COPB1: variants seen among roughly 807,000 people sequenced by gnomAD.
The protein encoded by COPB1 is coat protein complex I subunit beta 1, also known as coatomer subunit beta.
In COPB1, 21 loss-of-function variants were observed where a neutral mutation model predicts 108.7. That is an observed-to-expected ratio of 0.19 (90% CI 0.14 to 0.28). The LOEUF (loss-of-function observed/expected upper bound fraction) is 0.28. COPB1 is among the 10% of genes least tolerant of loss of function. The pLI, the probability that COPB1 is intolerant of heterozygous loss-of-function variation, is 1.00. For missense variants in COPB1, 919 were observed against 1,141.3 expected, an observed-to-expected ratio of 0.81 and a Z score of 2.81; for synonymous variants, 378 against 386.8, an observed-to-expected ratio of 0.98 and a Z score of 0.27.
intron 7 of COPB1, among the ~76,000 whole-genome samples, chr11:14,484,492 G>A (rs1407632723): frequency 2.6e-5 from 4 of 152,186 alleles, no homozygotes; most frequent in African/African-American, 9.7e-5. Flanking sequence ...GGTCGAGGCG[G>A]GTGGATCACA....
At chr11:14,498,805 TC>T in intron 2 of COPB1, 32 bp downstream of exon 2, 1 of 1,510,600 alleles carries the variant, frequency 6.6e-7, no homozygotes, top group East Asian at 2.3e-5. Flanking sequence ...TTTTCTTTTT[TC>T]ATTTCATTCT....
chr11:14,460,049 A>G, intron 20 of COPB1, 159 bp downstream of exon 20: 1 of 551,994 alleles, frequency 1.8e-6, no homozygotes, highest in Non-Finnish European at 3.2e-6. Flanking sequence ...CAATAGAAAG[A>G]GGTAAGCAGA....
chr11:14,483,112 T>C lies in COPB1; in HGVS notation c.877A>G (p.Ser293Gly), dbSNP rs542454924. ...QCYIDLIIKE[S>G]DNNVKLIVLD... ...ACTATGAGTTTTACATTGTTGTCGC[T>C]CTCCTTAATAATTAAATCAATGTAA... The change falls in exon 8 of 22, where the codon AGC (serine) becomes GGC (glycine). Residue 293 changes from serine to glycine, a missense_variant. Coordinates refer to ENST00000439561, the MANE Select transcript of COPB1 (RefSeq NM_001144061.2). The C allele has an allele frequency of 1.1e-4, 174 of 1,590,346 alleles. 1 individual carries two copies. Among genetic ancestry groups the C allele is most frequent in the Admixed American group, 6.5e-4 (39 of 59,626 alleles).
In COPB1 at chr11:14,498,934, C is replaced by T. The variant is rs1851088024; in HGVS notation, c.-6G>A. 6 of 1,602,842 alleles carry T rather than the reference C, an allele frequency of 3.7e-6. No homozygotes were observed. The highest frequency in any genetic ancestry group is 3.4e-5 in the Admixed American group (2 of 58,070). ...ACGTTCTCAGCCGCCGTCATGGTTT[C>T]TGGTTATATTATAACCAATCCTTGA... On this transcript the variant is annotated 5_prime_UTR_variant, in exon 2 of 22. Coordinates refer to ENST00000439561, the MANE Select transcript of COPB1 (RefSeq NM_001144061.2).
chr11:14,472,698 A>C (rs1850435319), intron 14 of COPB1, among the ~76,000 whole-genome samples: 1 of 152,216 alleles, frequency 6.6e-6, no homozygotes, highest in African/African-American at 2.4e-5. Context: ...CTTCCAGATA[A>C]CTTGCCACAG....
intron 5 of COPB1, among the ~76,000 whole-genome samples, chr11:14,489,110 A>C (rs1290648043): frequency 1.3e-5 from 2 of 152,248 alleles, no homozygotes; most frequent in East Asian, 1.9e-4. Flanking sequence ...AAGAGGACAA[A>C]ACACTGCTCA....
chr11:14,460,483 A>G (rs1163320142), intron 19 of COPB1, among the ~76,000 whole-genome samples, 186 bp from the exon 20 acceptor site: 6 of 152,102 alleles, frequency 3.9e-5, no homozygotes, highest in South Asian at 2.1e-4. Context: ...CCCAATAGAG[A>G]TAACTTCACA....
intron 6 of COPB1, among the ~76,000 whole-genome samples, chr11:14,487,557 C>A (rs1433862549): frequency 6.6e-6 from 1 of 151,996 alleles, no homozygotes; most frequent in Non-Finnish European, 1.5e-5. Context: ...CACCTGTAAT[C>A]CCAGCTACTC....
intron 4 of COPB1, 105 bp from the exon 5 acceptor site, chr11:14,490,784 T>C (rs1398309381): frequency 1.3e-5 from 8 of 623,118 alleles, no homozygotes; most frequent in East Asian, 3.1e-5. Context: ...CTTTACAACA[T>C]ACTTTTGCTT....
chr11:14,494,637 C>T (rs1359379231), intron 2 of COPB1, 198 bp from the exon 3 acceptor site: 2 of 498,214 alleles, frequency 4.0e-6, no homozygotes. Context: ...AGTCATTTAT[C>T]TCTGGAAATC....
At chr11:14,460,041 AT>A (rs1850110291) in intron 20 of COPB1, 166 bp downstream of exon 20, 3 of 546,984 alleles carry the variant, frequency 5.5e-6, no homozygotes, top group African/African-American at 1.9e-5. Flanking sequence ...GTATAGTCCA[AT>A]AGAAAGAGGT....
Position 14,493,798 on chromosome 11 carries a change from G to C in COPB1, c.335C>G (p.Pro112Arg). The change falls in exon 4 of 22, where the codon CCT becomes CGT. Residue 112 changes from proline (P) to arginine (R), a missense_variant. This residue lies in a region of COPB1 where 22 missense variants were observed against 58.8 expected (regional missense o/e 0.37). Coordinates refer to ENST00000439561, the MANE Select transcript of COPB1 (RefSeq NM_001144061.2). The part of the protein sequence containing the change: ...CDAYRKDLQH[P>R]NEFIRGSTLR... ...AGTAGATCCTCGAATAAATTCATTA[G>C]GATGTTGAAGATCCTGATATAAAAA... is the stretch of plus-strand genomic sequence containing the variant. 1.3e-6 allele frequency: 2 copies of C among 1,588,686 alleles called. No individual in the cohort carries two copies. Among genetic ancestry groups the C allele is most frequent in the Non-Finnish European group, 1.7e-6 (2 of 1,168,704 alleles).
At chr11:14,499,020 T>TAAA (rs3214792) in intron 1 of COPB1, 35 bp from the exon 2 acceptor site, 159 of 804,294 alleles carry the variant, frequency 2.0e-4, no homozygotes, top group East Asian at 4.5e-4. Flanking sequence ...CATTACAAAT[T>TAAA]AAAAAAAAAA....
chr11:14,462,378 G>A (rs1327681225), intron 18 of COPB1, among the ~76,000 whole-genome samples: 3 of 151,904 alleles, frequency 2.0e-5, no homozygotes, highest in East Asian at 1.9e-4. Flanking sequence ...GACCACAGGC[G>A]CCTGCCACCG....
At chr11:14,461,361 A>G (rs766559143) in intron 18 of COPB1, 30 bp from the exon 19 acceptor site, 2 of 1,605,038 alleles carry the variant, frequency 1.2e-6, no homozygotes, top group South Asian at 1.1e-5. Flanking sequence ...AAGATTCGCA[A>G]TCACTGGGGC....
Position 14,490,615 on chromosome 11 carries a change from C to T in COPB1, c.556G>A (p.Asp186Asn). 6.2e-7 allele frequency: 1 copy of T among 1,613,288 alleles called. No individual in the cohort carries two copies. The highest frequency in any genetic ancestry group is 1.1e-5 in the South Asian group (1 of 90,980). Reference sequence around the variant, plus strand: ...AATGCATTCCTTTTGCAACTTGCATCCTTCTCATTCACCAGAAAATCATGT... The same window carrying T: ...AATGCATTCCTTTTGCAACTTGCATTCTTCTCATTCACCAGAAAATCATGT... The part of the protein sequence containing the change: ...LIHDFLVNEK[D>N]ASCKRNAFMM... Residue 186 changes from aspartate (D) to asparagine (N), a missense_variant, in exon 5 of 22, where the codon GAT becomes AAT. Around this residue, in one of 5 missense-constraint regions of COPB1, gnomAD observed 78 missense variants for 95.4 expected, o/e 0.82. Coordinates refer to ENST00000439561, the MANE Select transcript of COPB1 (RefSeq NM_001144061.2).
chr11:14,461,067 G>A lies in COPB1; in HGVS notation c.2556+119C>T, dbSNP rs566134687. The A allele has an allele frequency of 5.6e-6, 7 of 1,239,766 alleles. No homozygotes were observed. The African/African-American group carries it at 7.6e-5, about 13-fold the overall frequency. The allele number at this position is 1,239,766 out of a possible 1,614,324, so 76.8% of individuals were successfully genotyped here. ...TAATTTGCAAGAACAGATACTGAAA[G>A]ACTATTTGCTTTTCATGTTAAACAC... On this transcript the variant is annotated intron_variant, in intron 19 of 21. Coordinates refer to ENST00000439561, the MANE Select transcript of COPB1 (RefSeq NM_001144061.2).
At chr11:14,481,839 A>G (rs1169434922) in intron 8 of COPB1, among the ~76,000 whole-genome samples, 1 of 152,052 alleles carries the variant, frequency 6.6e-6, no homozygotes, top group Non-Finnish European at 1.5e-5. Context: ...CCCAGGCTGG[A>G]GTGCAGTGGC....
At chr11:14,488,444 T>C in intron 6 of COPB1, 48 bp downstream of exon 6, 1 of 1,200,278 alleles carries the variant, frequency 8.3e-7, no homozygotes, top group South Asian at 1.4e-5. Context: ...TTTAACCCTG[T>C]CTTAAACTGC....
Sources: gnomAD v4.1 joint callset for allele counts (sites outside exome capture counted in the v4.1 genomes callset) on GRCh38, gnomAD v4.1.1 for gene constraint, gnomAD v4.1.1 regional missense constraint, MANE v1.5 for transcripts, NCBI Gene and HGNC (gene_info 2026-07-23, HGNC 2026-07-21) for gene names.